The following UGT2A1 variants were observed in gnomAD, a reference collection of about 807,000 sequenced individuals.
The protein encoded by UGT2A1 is UDP glucuronosyltransferase family 2 member A1 complex locus.
In UGT2A1, 61 loss-of-function variants were observed where a neutral mutation model predicts 45.4. The observed-to-expected ratio is 1.34, with a 90% confidence interval of 1.09 to 1.66. UGT2A1 has a LOEUF of 1.66. Ranked by LOEUF, UGT2A1 falls within the 40% of genes most tolerant of loss-of-function variation. The pLI is 0.00. For missense variants in UGT2A1, 649 were observed against 574.3 expected, an observed-to-expected ratio of 1.13 and a Z score of -1.33; for synonymous variants, 229 against 196.2, an observed-to-expected ratio of 1.17 and a Z score of -1.40.
chr4:69,620,566 A>G (rs1364514030), intron 3 of UGT2A1, among the ~76,000 whole-genome samples: 1 of 151,868 alleles, frequency 6.6e-6, no homozygotes, highest in Admixed American at 6.6e-5. Flanking sequence ...AAAGCAATTT[A>G]GAGATTCAAG....
Position 69,635,673 on chromosome 4 carries a change from T to C in UGT2A1, c.847+18A>G. The stretch of plus-strand genomic sequence containing the variant: ...GGTGAAACCTCGTCTCTATTAAAAA[T>C]ACAAAAATTAGCCTGACCTGCTGGC... On this transcript the variant is annotated intron_variant, in intron 3 of 6. Coordinates refer to ENST00000286604, the MANE Select transcript of UGT2A1 (RefSeq NM_001252275.3). 7.6e-6 allele frequency: 2 copies of C among 261,802 alleles called. No individual in the cohort carries two copies. The highest frequency in any genetic ancestry group is 6.2e-5 in the South Asian group (2 of 32,444). 16.2% of individuals were successfully genotyped at this position (261,802 alleles called of 1,614,324 possible). A position where few individuals can be genotyped will look rare whatever the true frequency, so the allele number is the denominator to read the frequency against.
At chr4:69,635,020 T>A (rs1721596516) in intron 3 of UGT2A1, among the ~76,000 whole-genome samples, 2 of 152,244 alleles carry the variant, frequency 1.3e-5, no homozygotes, top group Admixed American at 1.3e-4. Flanking sequence ...GGATACCCCG[T>A]ACTCCAGGAT....
chr4:69,606,417 G>A lies in UGT2A1; in HGVS notation c.848-7023C>T, dbSNP rs1490362142. On this transcript the variant is annotated intron_variant, in intron 3 of 6. Coordinates refer to ENST00000286604, the MANE Select transcript of UGT2A1 (RefSeq NM_001252275.3). ...TCAATAAATTAGGTATTGATGGGAT[G>A]TATCTCAAAATAATAAGAGCTATCT... Among the ~76,000 whole-genome samples the A allele has an allele frequency of 2.2e-4, 30 of 136,184 alleles. 4 individuals carry two copies. Among genetic ancestry groups the A allele is most frequent in the Non-Finnish European group, 3.9e-4 (25 of 64,122 alleles). The allele number at this position is 136,184 out of a possible 152,430, so 89.3% of individuals were successfully genotyped here. A position where few individuals can be genotyped will look rare whatever the true frequency, so the allele number is the denominator to read the frequency against.
At chr4:69,609,538 T>C (rs1197315683) in intron 3 of UGT2A1, among the ~76,000 whole-genome samples, 1 of 152,020 alleles carries the variant, frequency 6.6e-6, no homozygotes, top group Non-Finnish European at 1.5e-5. Flanking sequence ...TATATCTCAA[T>C]ACAACTGTTA....
chr4:69,649,065 ATGTT>A (rs1433450624), intron 1 of UGT2A1, among the ~76,000 whole-genome samples: 10 of 152,064 alleles, frequency 6.6e-5, no homozygotes. Flanking sequence ...TGAAAATATT[ATGTT>A]TGTATGCATA....
At chr4:69,609,808 A>G (rs959653525) in intron 3 of UGT2A1, among the ~76,000 whole-genome samples, 1 of 152,214 alleles carries the variant, frequency 6.6e-6, no homozygotes, top group Non-Finnish European at 1.5e-5. Flanking sequence ...CCACAAAAAA[A>G]TTACAGTCAA....
At position 69,589,520 on chromosome 4, in the gene UGT2A1, T is replaced by G; in HGVS notation, c.1436A>C (p.His479Pro). The change falls in exon 7 of 7, where the codon CAT (histidine) becomes CCT (proline). Residue 479 changes from histidine to proline, a missense_variant. Transcript: ENST00000286604. ...KGAKHLRVAA[H>P]DLTWFQYHSL... ...GTGGTACTGGAACCAGGTGAGGTCA[T>G]GGGCTGCAACCCGAAGGTGCTTGGC... 6.2e-7 allele frequency: 1 copy of G among 1,614,138 alleles called. No homozygotes were observed. The highest frequency in any genetic ancestry group is 8.5e-7 in the Non-Finnish European group (1 of 1,180,004).
rs184297162 is a variant in UGT2A1 at position 69,650,387 on chromosome 4, C to T, written c.-54-2689G>A. 2.6e-5 allele frequency among the ~76,000 whole-genome samples: 4 copies of T among 152,170 alleles called. No homozygotes were observed. In the East Asian group the frequency reaches 5.8e-4, roughly 22 times the overall value. On this transcript the variant is annotated intron_variant, in intron 1 of 6. Transcript: ENST00000286604. ...ATCTGTGACAAAAATCACTGTAGTA[C>T]ATTATAGTCAGCAAGATATTAAAAA...
rs1362947861 is a variant in UGT2A1 at position 69,599,264 on chromosome 4, A to G, written c.978T>C (p.Pro326=). 5 of 1,613,456 alleles carry G rather than the reference A, an allele frequency of 3.1e-6. No individual in the cohort carries two copies. The highest frequency in any genetic ancestry group is 4.2e-6 in the Non-Finnish European group (5 of 1,179,816). ...FEFVGGLHCK[P]AKPLPKVLWR... ...GACCTACCTTAGGTAAAGGTTTGGCAGGTTTGCAGTGCAATCCTCCAACAA... is the reference window on the plus strand; with the variant it reads ...GACCTACCTTAGGTAAAGGTTTGGCGGGTTTGCAGTGCAATCCTCCAACAA... The change falls in exon 4 of 7, where the codon CCT becomes CCC. Residue 326 remains proline, a synonymous_variant. Transcript: ENST00000286604.
intron 4 of UGT2A1, among the ~76,000 whole-genome samples, chr4:69,596,576 G>A (rs777266820): frequency 2.6e-5 from 4 of 152,062 alleles, no homozygotes; most frequent in South Asian, 2.1e-4. Context: ...AGGCTGGAGC[G>A]CAGTGGCATG....
chr4:69,634,432 G>C (rs1030740862), intron 3 of UGT2A1, among the ~76,000 whole-genome samples: 4 of 151,984 alleles, frequency 2.6e-5, no homozygotes, highest in African/African-American at 9.7e-5. Flanking sequence ...ATAGGAAACG[G>C]AGAGAAGCAA....
intron 2 of UGT2A1, among the ~76,000 whole-genome samples, chr4:69,642,582 T>C (rs1722095301): frequency 6.6e-6 from 1 of 151,772 alleles, no homozygotes. Context: ...GTTTCATTTC[T>C]AGCACTTTAT....
In UGT2A1 at chr4:69,639,458, TAC is replaced by T. The variant is rs758072430; in HGVS notation, c.716-3638_716-3637del. On this transcript the variant is annotated intron_variant, in intron 2 of 6. Transcript: ENST00000286604. ...TGAATAGAGTTGCTGATGAAGCCAG[TAC>T]AGTCACATTGTGATTTCTTTGAATC... The T allele has an allele frequency of 1.5e-5, 25 of 1,613,114 alleles. No individual in the cohort carries two copies. In the East Asian group the frequency reaches 5.3e-4, roughly 35 times the overall value.
At chr4:69,600,105 T>C (rs888518459) in intron 3 of UGT2A1, among the ~76,000 whole-genome samples, 25 of 152,156 alleles carry the variant, frequency 1.6e-4, no homozygotes, top group Non-Finnish European at 2.6e-4. Context: ...CAGCCTATCC[T>C]GTGAGCCAGG....
Position 69,598,747 on chromosome 4 carries a change from G to A in UGT2A1, c.996+499C>T, listed in dbSNP as rs188091832. ...ACCAATTGTTTCCTAACAGTAGATG[G>A]CACAACTGTCTAATAAATTCTCAAG... On this transcript the variant is annotated intron_variant, in intron 4 of 6. Coordinates refer to ENST00000286604, the MANE Select transcript of UGT2A1 (RefSeq NM_001252275.3). Among the ~76,000 whole-genome samples, 11 of 151,902 alleles carry A rather than the reference G, an allele frequency of 7.2e-5. No individual in the cohort carries two copies. In the East Asian group the frequency reaches 2.1e-3, roughly 29 times the overall value.
intron 3 of UGT2A1, among the ~76,000 whole-genome samples, chr4:69,631,183 G>C (rs1404459860): frequency 6.6e-6 from 1 of 152,092 alleles, no homozygotes; most frequent in East Asian, 1.9e-4. Flanking sequence ...GCTAGGGCTT[G>C]AGTGAATCCT....
At position 69,588,478 on chromosome 4, in the gene UGT2A1, G is replaced by T. The variant is rs1718379387; in HGVS notation, c.*894C>A. 1 of 151,930 alleles carries T rather than the reference G, an allele frequency of 6.6e-6. No homozygotes were observed. Among genetic ancestry groups the T allele is most frequent in the South Asian group, 2.1e-4 (1 of 4,820 alleles). 9.4% of individuals were successfully genotyped at this position (151,930 alleles called of 1,614,324 possible). Reference sequence around the variant, plus strand: ...AAAATTAAACTTTTGATTACAAATAGTGATTATATATTATGAACATTAGTG... The same window carrying T: ...AAAATTAAACTTTTGATTACAAATATTGATTATATATTATGAACATTAGTG... On this transcript the variant is annotated 3_prime_UTR_variant, in exon 7 of 7. Transcript: ENST00000286604.
At chr4:69,599,120 A>C (rs1719104241) in intron 4 of UGT2A1, 126 bp downstream of exon 4, 2 of 1,371,424 alleles carry the variant, frequency 1.5e-6, no homozygotes, top group Non-Finnish European at 9.6e-7. Context: ...TCACAAGGAA[A>C]ATAGATGTGG....
At chr4:69,632,867 G>A (rs897533862) in intron 3 of UGT2A1, among the ~76,000 whole-genome samples, 2 of 147,290 alleles carry the variant, frequency 1.4e-5, no homozygotes, top group Non-Finnish European at 3.0e-5. Flanking sequence ...CAGCCTGAGC[G>A]ACAGTGCAAG....
Sources: allele counts gnomAD v4.1 joint callset (sites outside exome capture counted in the v4.1 genomes callset), GRCh38; gene constraint gnomAD v4.1.1; transcripts MANE v1.5; gene names NCBI Gene and HGNC (gene_info 2026-07-23, HGNC 2026-07-21).